MATCAP2: variants seen among roughly 807,000 people sequenced by gnomAD.
MATCAP2 encodes the protein putative tyrosine carboxypeptidase MATCAP2.
At chr7:36,357,627 CA>C in the MATCAP2 span, 1 of 1,469,174 alleles carries the variant, frequency 6.8e-7, no homozygotes, top group Non-Finnish European at 9.3e-7. Context: ...AAAGAAATAA[CA>C]AAGATACCAG....
At chr7:36,380,495 T>G in the MATCAP2 span, among the ~76,000 whole-genome samples, 2 of 152,188 alleles carry the variant, frequency 1.3e-5, no homozygotes, top group African/African-American at 4.8e-5. Context: ...AGTTAGAGAT[T>G]AGCAAGTTAA....
chr7:36,388,539 A>G, the MATCAP2 span, among the ~76,000 whole-genome samples: 1 of 152,242 alleles, frequency 6.6e-6, no homozygotes, highest in South Asian at 2.1e-4. Flanking sequence ...TGTTCAGCTC[A>G]TGGACAGTCA....
chr7:36,361,432 G>T, the MATCAP2 span, among the ~76,000 whole-genome samples: 6 of 152,268 alleles, frequency 3.9e-5, no homozygotes, highest in South Asian at 1.2e-3. Context: ...CCTACAAATG[G>T]AAATTTCGTA....
the MATCAP2 span, chr7:36,389,865 T>C: frequency 1.5e-6 from 2 of 1,294,266 alleles, no homozygotes; most frequent in Non-Finnish European, 2.2e-6. Context: ...AGAGGCCGAG[T>C]CCGTCACTGG....
the MATCAP2 span, among the ~76,000 whole-genome samples, chr7:36,366,335 C>A: frequency 2.0e-5 from 3 of 152,062 alleles, no homozygotes; most frequent in Admixed American, 6.5e-5. Flanking sequence ...AGAGATTGAA[C>A]TGAATTTAAA....
chr7:36,353,637 C>T, the MATCAP2 span, among the ~76,000 whole-genome samples: 100 of 151,996 alleles, frequency 6.6e-4, no homozygotes, highest in East Asian at 8.4e-3. Flanking sequence ...CCCACCACCA[C>T]GCCCAGCTAA....
At chr7:36,379,843 C>CAGAG in the MATCAP2 span, among the ~76,000 whole-genome samples, 32 of 127,472 alleles carry the variant, frequency 2.5e-4, no homozygotes, top group African/African-American at 7.3e-4. Flanking sequence ...CACACACACA[C>CAGAG]ACACAGAGAG....
chr7:36,336,331 G>A, the MATCAP2 span: 1 of 1,417,926 alleles, frequency 7.1e-7, no homozygotes, highest in Non-Finnish European at 9.5e-7. Flanking sequence ...AAAGTAAACA[G>A]CCTCATATTA....
At chr7:36,389,671 G>A in the MATCAP2 span, 2 of 233,866 alleles carry the variant, frequency 8.6e-6, no homozygotes, top group Non-Finnish European at 1.6e-5. Context: ...GAAGCGCCCC[G>A]CTGCCCGCCT....
At chr7:36,380,243 T>G in the MATCAP2 span, among the ~76,000 whole-genome samples, 6 of 152,214 alleles carry the variant, frequency 3.9e-5, no homozygotes, top group Non-Finnish European at 7.3e-5. Flanking sequence ...GGTTCTCATC[T>G]CTGAGTGCTT....
chr7:36,362,154 T>C, the MATCAP2 span, among the ~76,000 whole-genome samples: 12,435 of 152,298 alleles, frequency 0.082, 676 homozygotes, highest in East Asian at 0.15. Flanking sequence ...TTTTTAATGG[T>C]GTATAAAATC....
At chr7:36,360,558 A>G in the MATCAP2 span, among the ~76,000 whole-genome samples, 1 of 152,224 alleles carries the variant, frequency 6.6e-6, no homozygotes, top group African/African-American at 2.4e-5. Context: ...TGGATAGCCC[A>G]TGAAGTTCAT....
chr7:36,331,908 T>C, the MATCAP2 span, among the ~76,000 whole-genome samples: 6 of 152,264 alleles, frequency 3.9e-5, no homozygotes, highest in Admixed American at 2.6e-4. Context: ...ATTTAAAAAA[T>C]TGTCCTAATC....
chr7:36,390,232 GT>G, the MATCAP2 span: 1 of 878,262 alleles, frequency 1.1e-6, no homozygotes. Context: ...CTGAGATTTT[GT>G]TGTTTCGGTC....
At chr7:36,336,097 AAAAT>A in the MATCAP2 span, 3 of 1,245,842 alleles carry the variant, frequency 2.4e-6, no homozygotes, top group African/African-American at 4.6e-5. Context: ...AAAATAAAAT[AAAAT>A]AAACTATGAC....
chr7:36,379,491 A>C, the MATCAP2 span, among the ~76,000 whole-genome samples: 1 of 152,274 alleles, frequency 6.6e-6, no homozygotes, highest in Non-Finnish European at 1.5e-5. Flanking sequence ...TATATACATA[A>C]AGATACCTAT....
At chr7:36,376,385 A>C in the MATCAP2 span, among the ~76,000 whole-genome samples, 1 of 152,146 alleles carries the variant, frequency 6.6e-6, no homozygotes, top group African/African-American at 2.4e-5. Context: ...TTCAGTTTCC[A>C]TGTAGTTCTG....
At chr7:36,333,938 A>G in the MATCAP2 span, 1 of 1,614,166 alleles carries the variant, frequency 6.2e-7, no homozygotes. Context: ...CAAACCTGCC[A>G]ATATCTTTAA....
the MATCAP2 span, among the ~76,000 whole-genome samples, chr7:36,330,400 G>T: frequency 6.6e-6 from 1 of 151,918 alleles, no homozygotes; most frequent in Non-Finnish European, 1.5e-5. Context: ...TGCCCAGCCC[G>T]AGTCTTAACA....
Sources: gnomAD v4.1 joint callset for allele counts (sites outside exome capture counted in the v4.1 genomes callset) on GRCh38, gnomAD v4.1.1 for gene constraint, MANE v1.5 for transcripts, NCBI Gene and HGNC (gene_info 2026-07-23, HGNC 2026-07-21) for gene names.